Variants in ATP8A2 observed in about 807,000 individuals in gnomAD.
ATP8A2 encodes the protein ATPase phospholipid transporting 8A2, also known as phospholipid-transporting ATPase IB.
ATP8A2 carries 100 observed loss-of-function variants against 165.6 expected under a neutral mutation model. The observed-to-expected ratio is 0.60, with a 90% CI of 0.51 to 0.71. The LOEUF is 0.71. Among genes scored for constraint, ATP8A2 ranks in the 30% least tolerant of loss-of-function variants. The pLI is 0.00. For missense variants in ATP8A2, 1,227 were observed against 1,479.5 expected (o/e 0.83, Z 2.80); for synonymous variants, 543 against 548.8 (o/e 0.99, Z 0.15).
chr13:25,722,650 C>G (rs375179245), intron 25 of ATP8A2, among the ~76,000 whole-genome samples: 227 of 144,474 alleles, frequency 1.6e-3, no homozygotes, highest in African/African-American at 6.3e-3. Flanking sequence ...TAATTCATTG[C>G]TGTATGTTAG....
intron 33 of ATP8A2, among the ~76,000 whole-genome samples, chr13:25,931,060 A>G (rs150109266): frequency 2.0e-5 from 3 of 152,204 alleles, no homozygotes; most frequent in African/African-American, 7.2e-5. Context: ...TCCACAGTAC[A>G]GGGTGAGCCT....
intron 28 of ATP8A2, among the ~76,000 whole-genome samples, chr13:25,832,570 A>G (rs1227747384): frequency 6.6e-6 from 1 of 152,236 alleles, no homozygotes; most frequent in Non-Finnish European, 1.5e-5. Context: ...CTTTCTAAAT[A>G]TCACTATATC....
intron 1 of ATP8A2, among the ~76,000 whole-genome samples, chr13:25,402,467 A>G (rs1348948007): frequency 6.6e-6 from 1 of 152,198 alleles, no homozygotes. Flanking sequence ...AGGTCCTTTA[A>G]AAATAGCATC....
intron 1 of ATP8A2, among the ~76,000 whole-genome samples, chr13:25,446,146 C>T (rs933737089): frequency 6.6e-6 from 1 of 152,136 alleles, no homozygotes; most frequent in African/African-American, 2.4e-5. Flanking sequence ...CACCCTTGGG[C>T]TGTCCTATCA....
chr13:25,628,645 G>A (rs2041162334), intron 24 of ATP8A2, among the ~76,000 whole-genome samples: 1 of 152,114 alleles, frequency 6.6e-6, no homozygotes, highest in Non-Finnish European at 1.5e-5. Context: ...TGCAGGATCA[G>A]TCTCCTCTGA....
At chr13:25,868,027 C>T (rs1003878643) in intron 33 of ATP8A2, 5 of 424,016 alleles carry the variant, frequency 1.2e-5, no homozygotes, top group East Asian at 1.5e-4. Context: ...CCAGGTGGGG[C>T]GCTCAGTGAG....
At chr13:25,575,882 AAGG>A (rs1394602012) in intron 19 of ATP8A2, among the ~76,000 whole-genome samples, 1 of 152,126 alleles carries the variant, frequency 6.6e-6, no homozygotes, top group African/African-American at 2.4e-5. Context: ...TTGGACAGGC[AAGG>A]AGGAGGAGAA....
chr13:25,677,191 T>A (rs1283774090), intron 24 of ATP8A2, among the ~76,000 whole-genome samples: 1 of 152,202 alleles, frequency 6.6e-6, no homozygotes, highest in Non-Finnish European at 1.5e-5. Context: ...CATGGGGCTG[T>A]TTAAACTCAA....
At chr13:25,584,954 T>G (rs2138263982) in intron 23 of ATP8A2, among the ~76,000 whole-genome samples, 1 of 152,314 alleles carries the variant, frequency 6.6e-6, no homozygotes, top group Non-Finnish European at 1.5e-5. Flanking sequence ...TGTTTGGAGG[T>G]GTTGGCTCTT....
At chr13:25,724,841 A>G (rs1211503984) in intron 25 of ATP8A2, among the ~76,000 whole-genome samples, 1 of 152,226 alleles carries the variant, frequency 6.6e-6, no homozygotes, top group East Asian at 1.9e-4. Flanking sequence ...TTGAGTGAGA[A>G]CAATCAGTAT....
chr13:25,465,724 TTTC>T (rs1566153434), intron 1 of ATP8A2, among the ~76,000 whole-genome samples: 38 of 28,536 alleles, frequency 1.3e-3, no homozygotes, highest in Non-Finnish European at 1.7e-3. Context: ...TCTTTCTTTC[TTTC>T]TTTCTTTCTT....
intron 33 of ATP8A2, among the ~76,000 whole-genome samples, chr13:25,875,985 C>T (rs1284546104): frequency 6.6e-6 from 1 of 152,200 alleles, no homozygotes; most frequent in Admixed American, 6.5e-5. Context: ...TAAACCAACA[C>T]ATGGTTGGGC....
intron 33 of ATP8A2, among the ~76,000 whole-genome samples, chr13:25,894,947 G>T (rs562745270): frequency 6.6e-6 from 1 of 152,116 alleles, no homozygotes; most frequent in East Asian, 1.9e-4. Flanking sequence ...GAGACAATGG[G>T]GTTTTCTAGA....
At chr13:25,592,594 C>T (rs7990761) in intron 24 of ATP8A2, among the ~76,000 whole-genome samples, 18,835 of 152,220 alleles carry the variant, frequency 0.12, 1,451 homozygotes, top group Non-Finnish European at 0.19. Context: ...CTTATGAACA[C>T]ACCCACAGTG....
At chr13:25,697,663 G>A (rs1411033473) in intron 24 of ATP8A2, among the ~76,000 whole-genome samples, 1 of 152,180 alleles carries the variant, frequency 6.6e-6, no homozygotes, top group African/African-American at 2.4e-5. Context: ...GCCAAGTCCC[G>A]TGCTAAATAA....
chr13:25,688,805 C>T (rs1034996688), intron 24 of ATP8A2, among the ~76,000 whole-genome samples: 9 of 152,364 alleles, frequency 5.9e-5, no homozygotes, highest in East Asian at 1.9e-4. Flanking sequence ...AGCCCAGCTT[C>T]GGCCCTTTCT....
rs1228117894 is a variant in ATP8A2 at position 25,953,709 on chromosome 13, GA to G, written c.3184-7864del. On this transcript the variant is annotated intron_variant, in intron 33 of 36. Coordinates refer to ENST00000381655, the MANE Select transcript of ATP8A2 (RefSeq NM_016529.6). This position sits in a 1 kb window ranked among gnomAD's most constrained non-coding sequence, Gnocchi z 6.7. Reference sequence around the variant, plus strand: ...GGGTGCAGCCCACGGAGGGCAAGCCGAAGCAGGGTGGGGCGTTGCCTCACCC... The same window carrying G: ...GGGTGCAGCCCACGGAGGGCAAGCCGAGCAGGGTGGGGCGTTGCCTCACCC... 6.6e-6 allele frequency among the ~76,000 whole-genome samples: 1 copy of G among 152,026 alleles called. No individual in the cohort carries two copies. The highest frequency in any genetic ancestry group is 1.5e-5 in the Non-Finnish European group (1 of 68,000).
chr13:25,651,545 C>G (rs1304641432), intron 24 of ATP8A2, among the ~76,000 whole-genome samples: 1 of 150,742 alleles, frequency 6.6e-6, no homozygotes, highest in South Asian at 2.2e-4. Context: ...AATTTATTGG[C>G]CTAAAGTTGT....
rs114319068 is a variant in ATP8A2 at position 25,917,452 on chromosome 13, A to G, written c.3184-44123A>G. Among the ~76,000 whole-genome samples, 1,405 of 152,360 alleles carry G rather than the reference A, an allele frequency of 9.2e-3. 29 individuals carry two copies. The highest frequency in any genetic ancestry group is 0.032 in the African/African-American group (1,317 of 41,580). ...TTTGCATTGATTATATCTGCTCCTC[A>G]TAGTAACCCTGAAGGGGTTTTTATA... On this transcript the variant is annotated intron_variant, in intron 33 of 36. Coordinates refer to ENST00000381655, the MANE Select transcript of ATP8A2 (RefSeq NM_016529.6).
Sources: allele counts gnomAD v4.1 joint callset (sites outside exome capture counted in the v4.1 genomes callset), GRCh38; gene constraint gnomAD v4.1.1; non-coding constraint Gnocchi (gnomAD v3.1); transcripts MANE v1.5; gene names NCBI Gene and HGNC (gene_info 2026-07-23, HGNC 2026-07-21).